Variants in DACH2 observed in about 807,000 individuals in gnomAD.
DACH2 encodes the protein dachshund homolog 2.
Under a neutral mutation model 35.8 loss-of-function variants are expected in DACH2, and 17 were observed. The ratio of observed to expected loss-of-function variants is 0.48; its 90% CI spans 0.33 to 0.71. DACH2 has a LOEUF of 0.71. DACH2 is among the 30% of genes least tolerant of loss of function. The probability of loss-of-function intolerance (pLI) is 0.02; values close to 1 mark genes in which losing one functional copy is unlikely to be tolerated. For synonymous variants in DACH2, 195 were observed against 177.3 expected (o/e 1.10, Z -0.79); for missense variants, 469 against 472.7 (o/e 0.99, Z 0.07).
intron 2 of DACH2, among the ~76,000 whole-genome samples, chrX:86,393,370 T>C (rs1409583476): frequency 8.9e-6 from 1 of 112,286 alleles, no homozygotes; most frequent in Non-Finnish European, 1.9e-5. Flanking sequence ...GCTTTATCCA[T>C]CATTGTATTC....
rs142822028 is a variant in DACH2 at position 86,608,099 on chromosome X, G to C, written c.641-42937G>C. 1.3e-3 allele frequency among the ~76,000 whole-genome samples: 144 copies of C among 109,840 alleles called. No homozygotes were observed. In the Middle Eastern group the frequency reaches 0.023, roughly 18 times the overall value. Reference sequence around the variant, plus strand: ...TAGCAGCATGATTTATAGTCCTTTGGGTATATACCCAGTAATGGACACTTC... The same window carrying C: ...TAGCAGCATGATTTATAGTCCTTTGCGTATATACCCAGTAATGGACACTTC... On this transcript the variant is annotated intron_variant, in intron 3 of 11. Coordinates refer to ENST00000373125, the MANE Select transcript of DACH2 (RefSeq NM_053281.3).
chrX:86,407,946 T>C (rs1423199412), intron 2 of DACH2, among the ~76,000 whole-genome samples: 1 of 111,854 alleles, frequency 8.9e-6, no homozygotes, highest in African/African-American at 3.2e-5. Flanking sequence ...TTTCTCTTTT[T>C]TTTTCAGATG....
intron 4 of DACH2, among the ~76,000 whole-genome samples, chrX:86,679,290 G>A (rs1309132121): frequency 5.4e-5 from 6 of 111,015 alleles, no homozygotes; most frequent in Non-Finnish European, 1.1e-4. Flanking sequence ...TTGTTAGGAC[G>A]GCAGAGCTTA....
intron 4 of DACH2, among the ~76,000 whole-genome samples, chrX:86,692,416 A>T (rs1008103110): frequency 1.8e-5 from 2 of 110,311 alleles, no homozygotes; most frequent in Non-Finnish European, 3.8e-5. Flanking sequence ...CAAAGGTGTG[A>T]GCTGTTGGAA....
chrX:86,470,328 G>A (rs1352285874), intron 2 of DACH2, among the ~76,000 whole-genome samples: 1 of 111,519 alleles, frequency 9.0e-6, no homozygotes, highest in East Asian at 2.8e-4. Flanking sequence ...TCTTGCCTAA[G>A]CAACATATGA....
At chrX:86,438,880 T>C (rs927991998) in intron 2 of DACH2, among the ~76,000 whole-genome samples, 1 of 112,385 alleles carries the variant, frequency 8.9e-6, no homozygotes, top group African/African-American at 3.2e-5. Flanking sequence ...TTTGACTTTT[T>C]AGTAATAGCC....
intron 11 of DACH2, chrX:86,827,861 T>G: frequency 9.9e-7 from 1 of 1,011,777 alleles, no homozygotes; most frequent in Non-Finnish European, 1.4e-6. Context: ...TATTTAGAAT[T>G]CATACTCAAA....
intron 6 of DACH2, among the ~76,000 whole-genome samples, chrX:86,734,362 A>G (rs750706045): frequency 9.0e-6 from 1 of 110,856 alleles, no homozygotes; most frequent in South Asian, 3.8e-4. Flanking sequence ...ACCACTGAAG[A>G]GTGAAAGCTG....
chrX:86,311,942 A>T (rs2034809392), intron 1 of DACH2, among the ~76,000 whole-genome samples: 1 of 111,404 alleles, frequency 9.0e-6, no homozygotes, highest in South Asian at 3.9e-4. Flanking sequence ...GATTAAGGTC[A>T]ATGGGAAACT....
At chrX:86,555,812 G>T (rs1402468859) in intron 3 of DACH2, among the ~76,000 whole-genome samples, 1 of 111,331 alleles carries the variant, frequency 9.0e-6, no homozygotes, top group Non-Finnish European at 1.9e-5. Flanking sequence ...TTGATGGTGG[G>T]TAACGTGTCC....
At chrX:86,576,776 T>C (rs2039440728) in intron 3 of DACH2, among the ~76,000 whole-genome samples, 1 of 111,053 alleles carries the variant, frequency 9.0e-6, no homozygotes, top group Non-Finnish European at 1.9e-5. Context: ...AATGCCTCCC[T>C]TGGGGGTGAG....
intron 3 of DACH2, among the ~76,000 whole-genome samples, chrX:86,570,898 C>T (rs1481118263): frequency 9.0e-6 from 1 of 110,724 alleles, no homozygotes; most frequent in Non-Finnish European, 1.9e-5. Flanking sequence ...AGTCATTTGT[C>T]TTTTCCTTTT....
At chrX:86,443,332 T>A (rs937311750) in intron 2 of DACH2, among the ~76,000 whole-genome samples, 2 of 111,479 alleles carry the variant, frequency 1.8e-5, no homozygotes, top group Non-Finnish European at 3.8e-5. Context: ...GATATTTCAC[T>A]GTGTATAGAA....
intron 5 of DACH2, among the ~76,000 whole-genome samples, chrX:86,705,359 G>A (rs2041204302): frequency 9.2e-6 from 1 of 109,250 alleles, no homozygotes; most frequent in African/African-American, 3.3e-5. Context: ...TTGGATGATG[G>A]GTGCAACAAA....
rs188142380 is a variant in DACH2 at position 86,793,753 on chromosome X, T to C, written c.1241-19103T>C. 1.6e-3 allele frequency among the ~76,000 whole-genome samples: 184 copies of C among 112,373 alleles called. 1 individual carries two copies. The highest frequency in any genetic ancestry group is 5.8e-3 in the African/African-American group (179 of 31,058). On this transcript the variant is annotated intron_variant, in intron 7 of 11. Transcript: ENST00000373125. The stretch of plus-strand genomic sequence containing the variant: ...ACAAACACGTAAAGCACATTGAGCA[T>C]ATAACATGTCATTTTTATTTGCCAA...
chrX:86,541,961 T>C (rs954855754), intron 3 of DACH2, among the ~76,000 whole-genome samples: 2 of 112,028 alleles, frequency 1.8e-5, no homozygotes, highest in South Asian at 3.7e-4. Flanking sequence ...AGACAATTGA[T>C]ATCTGAATAA....
rs762174461 is a variant in DACH2 at position 86,651,022 on chromosome X, A to C, written c.641-14A>C. ...TATAAATAAATAAATGGAATGGAAT[A>C]ATTCTGCTTTTAGGTATAACAGCTG... On this transcript the variant is annotated splice_polypyrimidine_tract_variant and intron_variant, in intron 3 of 11. Transcript: ENST00000373125. 2 of 1,182,456 alleles carry C rather than the reference A, an allele frequency of 1.7e-6. No individual in the cohort carries two copies. Among genetic ancestry groups the C allele is most frequent in the South Asian group, 3.9e-5 (2 of 51,390 alleles).
intron 3 of DACH2, among the ~76,000 whole-genome samples, chrX:86,642,040 A>G (rs1439978637): frequency 1.8e-5 from 2 of 111,973 alleles, no homozygotes; most frequent in Non-Finnish European, 3.8e-5. Context: ...CTGTAAAGCA[A>G]TCACACAAAC....
chrX:86,718,763 A>G (rs2041366245), intron 6 of DACH2, among the ~76,000 whole-genome samples: 1 of 111,045 alleles, frequency 9.0e-6, no homozygotes, highest in South Asian at 3.8e-4. Flanking sequence ...GTTCCTGTTG[A>G]TTTTGTCACA....
Sources: allele counts gnomAD v4.1 joint callset (sites outside exome capture counted in the v4.1 genomes callset), GRCh38; gene constraint gnomAD v4.1.1; transcripts MANE v1.5; gene names NCBI Gene and HGNC (gene_info 2026-07-23, HGNC 2026-07-21).